COPS2: variants seen among roughly 807,000 people sequenced by gnomAD.
COPS2 encodes COP9 signalosome subunit 2.
In COPS2, 10 loss-of-function variants were observed where a neutral mutation model predicts 66.1. The ratio of observed to expected loss-of-function variants is 0.15; its 90% CI spans 0.09 to 0.26. The LOEUF is 0.26. Among genes scored for constraint, COPS2 ranks in the 10% least tolerant of loss-of-function variants. COPS2 has a pLI of 1.00. For synonymous variants in COPS2, 179 were observed against 171.3 expected, an observed-to-expected ratio of 1.04 and a Z score of -0.35; for missense variants, 215 against 513.3, an observed-to-expected ratio of 0.42 and a Z score of 5.62.
At position 49,123,746 on chromosome 15, in the gene COPS2, A is replaced by G. The variant is rs1449725089; in HGVS notation, c.*4204T>C. The G allele has an allele frequency of 1.3e-5, 2 of 152,206 alleles. No homozygotes were observed. Among genetic ancestry groups the G allele is most frequent in the Admixed American group, 1.3e-4 (2 of 15,284 alleles). 9.4% of individuals were successfully genotyped at this position (152,206 alleles called of 1,614,324 possible). On this transcript the variant is annotated 3_prime_UTR_variant, in exon 13 of 13. Transcript: ENST00000388901. Reference sequence around the variant, plus strand: ...TACCTTTGATGCCGTAATATTTTTAACTACTACAGGTAGTTTAGATATTAT... The same window carrying G: ...TACCTTTGATGCCGTAATATTTTTAGCTACTACAGGTAGTTTAGATATTAT...
At chr15:49,136,954 A>G (rs1393364403) in intron 6 of COPS2, among the ~76,000 whole-genome samples, 196 bp downstream of exon 6, 1 of 151,642 alleles carries the variant, frequency 6.6e-6, no homozygotes, top group East Asian at 1.9e-4. Context: ...GCACCACTGC[A>G]CTCTCCAGCC....
rs2084170447 is a variant in COPS2, at chr15:49,126,772, C to T, written c.*1178G>A. 6.6e-6 allele frequency: 1 copy of T among 152,114 alleles called. No individual in the cohort carries two copies. 9.4% of individuals were successfully genotyped at this position (152,114 alleles called of 1,614,324 possible). On this transcript the variant is annotated 3_prime_UTR_variant, in exon 13 of 13. Transcript: ENST00000388901. ...TTCAAAGCCAGTTATATACTTTCTG[C>T]ATTACCTCAAAGTTAGGTGGAAGTT...
At position 49,139,944 on chromosome 15, in the gene COPS2, CCTA is replaced by C. The variant is rs1403543622; in HGVS notation, c.247-294_247-292del. 7.2e-5 allele frequency among the ~76,000 whole-genome samples: 11 copies of C among 152,230 alleles called. 1 individual carries two copies. The South Asian group carries it at 1.5e-3, about 20-fold the overall frequency. On this transcript the variant is annotated intron_variant, in intron 3 of 12. Coordinates refer to ENST00000388901, the MANE Select transcript of COPS2 (RefSeq NM_004236.4). ...TGCACAACATATTTAAATCATAAAA[CCTA>C]CTACAATATTCATAAGCCAAAACAT...
At chr15:49,149,737 C>T (rs1219930236) in intron 1 of COPS2, among the ~76,000 whole-genome samples, 4 of 152,086 alleles carry the variant, frequency 2.6e-5, no homozygotes, top group Non-Finnish European at 5.9e-5. Context: ...AATAGAAGTC[C>T]TAAGAAATGT....
At position 49,142,930 on chromosome 15, in the gene COPS2, G is replaced by A. The variant is rs553279597; in HGVS notation, c.246+1297C>T. Among the ~76,000 whole-genome samples the A allele has an allele frequency of 8.5e-5, 13 of 152,158 alleles. No individual in the cohort carries two copies. In the East Asian group the frequency reaches 1.9e-3, roughly 23 times the overall value. Reference sequence around the variant, plus strand: ...GAGCTTACAATTTACTTGGGGGGAGGGGTGGGGTGAAGAGGAGCAATAAAT... The same window carrying A: ...GAGCTTACAATTTACTTGGGGGGAGAGGTGGGGTGAAGAGGAGCAATAAAT... On this transcript the variant is annotated intron_variant, in intron 3 of 12. Coordinates refer to ENST00000388901, the MANE Select transcript of COPS2 (RefSeq NM_004236.4).
intron 4 of COPS2, chr15:49,137,664 TC>T: frequency 2.2e-6 from 1 of 462,376 alleles, no homozygotes; most frequent in East Asian, 3.6e-5. Flanking sequence ...AGAAAATATT[TC>T]CCCATATAAA....
intron 1 of COPS2, among the ~76,000 whole-genome samples, chr15:49,145,708 G>A (rs1338547229): frequency 6.6e-6 from 1 of 151,948 alleles, no homozygotes; most frequent in Non-Finnish European, 1.5e-5. Context: ...AATTTTATGA[G>A]ACTTTCTATT....
chr15:49,128,785 C>T (rs1488153197), intron 11 of COPS2, 25 bp from the exon 12 acceptor site: 2 of 1,465,772 alleles, frequency 1.4e-6, no homozygotes, highest in Non-Finnish European at 1.9e-6. Flanking sequence ...TTGTTATATA[C>T]CAATTAACAT....
rs2084141138 is a variant in COPS2 at position 49,123,572 on chromosome 15, A to C, written c.*4378T>G. ...TTACATATGTATACATATGCACACAAAAAAGTTTTGGTCAGCTATTCATGT... is the reference window on the plus strand; with the variant it reads ...TTACATATGTATACATATGCACACACAAAAGTTTTGGTCAGCTATTCATGT... On this transcript the variant is annotated 3_prime_UTR_variant, in exon 13 of 13. Transcript: ENST00000388901. 1 of 152,216 alleles carries C rather than the reference A, an allele frequency of 6.6e-6. No homozygotes were observed. Among genetic ancestry groups the C allele is most frequent in the Non-Finnish European group, 1.5e-5 (1 of 68,036 alleles). The allele number at this position is 152,216 out of a possible 1,614,324, so 9.4% of individuals were successfully genotyped here.
rs1225752209 is a variant in COPS2 at position 49,124,177 on chromosome 15, G to A, written c.*3773C>T. The A allele has an allele frequency of 2.0e-5, 3 of 152,150 alleles. No individual in the cohort carries two copies. Among genetic ancestry groups the A allele is most frequent in the Non-Finnish European group, 4.4e-5 (3 of 68,070 alleles). The allele number at this position is 152,150 out of a possible 1,614,324, so 9.4% of individuals were successfully genotyped here. On this transcript the variant is annotated 3_prime_UTR_variant, in exon 13 of 13. Coordinates refer to ENST00000388901, the MANE Select transcript of COPS2 (RefSeq NM_004236.4). ...GCCTGAGGTCAGGAGTTTGAGACCAGCCTGGCCAACATGGTGAAATCTTGT... is the reference window on the plus strand; with the variant it reads ...GCCTGAGGTCAGGAGTTTGAGACCAACCTGGCCAACATGGTGAAATCTTGT...
chr15:49,152,742 G>A (rs922860722), intron 1 of COPS2, among the ~76,000 whole-genome samples: 1 of 152,066 alleles, frequency 6.6e-6, no homozygotes, highest in Non-Finnish European at 1.5e-5. Flanking sequence ...AGAATCGCTC[G>A]AACCTGGGAG....
intron 1 of COPS2, among the ~76,000 whole-genome samples, chr15:49,150,884 C>A (rs1439326051): frequency 6.6e-6 from 1 of 151,992 alleles, no homozygotes; most frequent in Non-Finnish European, 1.5e-5. Context: ...AACTAACCTG[C>A]ACATGTACCC....
At chr15:49,146,130 G>A (rs920956803) in intron 1 of COPS2, among the ~76,000 whole-genome samples, 2 of 152,172 alleles carry the variant, frequency 1.3e-5, no homozygotes, top group Non-Finnish European at 2.9e-5. Flanking sequence ...TAAGTTACTT[G>A]AAAGCTCAAA....
Position 49,155,362 on chromosome 15 carries a change from G to C in COPS2, c.54+163C>G, listed in dbSNP as rs534786397. Among the ~76,000 whole-genome samples the C allele has an allele frequency of 2.6e-5, 4 of 152,302 alleles. No individual in the cohort carries two copies. In the East Asian group the frequency reaches 5.8e-4, roughly 22 times the overall value. ...CCCCCATGCTGGAGAAGCAGGGCCC[G>C]GGCCCGGTGCGGGAACGGGGAGGAG... On this transcript the variant is annotated intron_variant, in intron 1 of 12. Coordinates refer to ENST00000388901, the MANE Select transcript of COPS2 (RefSeq NM_004236.4).
chr15:49,141,029 A>G (rs984728851), intron 3 of COPS2, among the ~76,000 whole-genome samples: 1 of 152,258 alleles, frequency 6.6e-6, no homozygotes, highest in East Asian at 1.9e-4. Flanking sequence ...ATATATACAT[A>G]TATAAAACCA....
At chr15:49,148,493 C>T (rs543343587) in intron 1 of COPS2, among the ~76,000 whole-genome samples, 107 of 152,226 alleles carry the variant, frequency 7.0e-4, no homozygotes, top group African/African-American at 2.5e-3. Flanking sequence ...TGCAAGGAAG[C>T]TTGAAACAGT....
intron 9 of COPS2, among the ~76,000 whole-genome samples, chr15:49,131,877 G>A (rs190461465): frequency 3.9e-5 from 6 of 152,298 alleles, no homozygotes; most frequent in Admixed American, 2.6e-4. Flanking sequence ...GGGACACCAT[G>A]CATCACATCA....
chr15:49,148,819 T>C (rs1168592204), intron 1 of COPS2, among the ~76,000 whole-genome samples: 1 of 152,110 alleles, frequency 6.6e-6, no homozygotes, highest in Non-Finnish European at 1.5e-5. Context: ...GGATGTAAAA[T>C]AAAAGTGCCC....
intron 1 of COPS2, among the ~76,000 whole-genome samples, chr15:49,153,286 TAAAG>T (rs1455144544): frequency 7.6e-6 from 1 of 131,410 alleles, no homozygotes. Context: ...TGTAAATAAA[TAAAG>T]AAGACATACA....
Sources: gnomAD v4.1 joint callset for allele counts (sites outside exome capture counted in the v4.1 genomes callset) on GRCh38, gnomAD v4.1.1 for gene constraint, MANE v1.5 for transcripts, NCBI Gene and HGNC (gene_info 2026-07-23, HGNC 2026-07-21) for gene names.